CCDC125: variants seen among roughly 807,000 people sequenced by gnomAD.
The protein encoded by CCDC125 is coiled-coil domain containing 125.
A neutral mutation model predicts 57.4 loss-of-function variants in CCDC125; 43 were observed. The observed-to-expected ratio is 0.75, with a 90% CI of 0.59 to 0.97. CCDC125 has a LOEUF of 0.97. CCDC125 is among the 50% of genes least tolerant of loss of function. The pLI is 0.00. For synonymous variants in CCDC125, 187 were observed against 195.2 expected, an observed-to-expected ratio of 0.96 and a Z score of 0.35; for missense variants, 563 against 595.7, an observed-to-expected ratio of 0.95 and a Z score of 0.57.
intron 3 of CCDC125, among the ~76,000 whole-genome samples, 169 bp from the exon 4 acceptor site, chr5:69,311,373 C>G (rs141444356): frequency 2.6e-5 from 4 of 152,150 alleles, no homozygotes; most frequent in Non-Finnish European, 5.9e-5. Flanking sequence ...AAGCCTCGGC[C>G]GGGCAAGGTG....
chr5:69,313,605 T>C (rs765913394), intron 3 of CCDC125: 9 of 731,068 alleles, frequency 1.2e-5, no homozygotes, highest in African/African-American at 1.7e-5. Context: ...CTTGGTCTCA[T>C]AGGTTGCGTC....
At chr5:69,328,995 G>A (rs1032044176) in intron 1 of CCDC125, among the ~76,000 whole-genome samples, 2 of 150,698 alleles carry the variant, frequency 1.3e-5, no homozygotes, top group Non-Finnish European at 3.0e-5. Context: ...GAGTTTCACC[G>A]TGTTAAGCAG....
At chr5:69,280,005 G>C (rs139270280), downstream of CCDC125, among the ~76,000 whole-genome samples, 735 of 152,210 alleles carry the variant, frequency 4.8e-3, 10 homozygotes, top group African/African-American at 0.017. Flanking sequence ...TGGATCTCGT[G>C]AGAACTCACA....
chr5:69,301,332 C>A (rs1400927962), intron 7 of CCDC125, among the ~76,000 whole-genome samples: 2 of 152,018 alleles, frequency 1.3e-5, no homozygotes, highest in Non-Finnish European at 1.5e-5. Context: ...GAAGAACTAG[C>A]CTCTTCTCTA....
In CCDC125 at chr5:69,281,380, AACTC is replaced by A. The variant is rs1176587547; in HGVS notation, c.*1345_*1348del. On this transcript the variant is annotated 3_prime_UTR_variant, in exon 12 of 12. Transcript: ENST00000396496. ...CCAATTCACATACCACAAACAAAAA[AACTC>A]CTAGAAATCACCTTGGCTCAGGCAG... The A allele has an allele frequency of 1.3e-5, 2 of 151,996 alleles. No individual in the cohort carries two copies. The highest frequency in any genetic ancestry group is 2.4e-5 in the African/African-American group (1 of 41,336). 9.4% of individuals were successfully genotyped at this position (151,996 alleles called of 1,614,324 possible). A position where few individuals can be genotyped will look rare whatever the true frequency, so the allele number is the denominator to read the frequency against.
chr5:69,331,470 G>C (rs1179521243), intron 1 of CCDC125, among the ~76,000 whole-genome samples: 2 of 151,910 alleles, frequency 1.3e-5, no homozygotes, highest in African/African-American at 4.8e-5. Flanking sequence ...GACCTCAGGA[G>C]ATCTGCTCAC....
At chr5:69,311,333 T>C (rs1758104158) in intron 3 of CCDC125, 129 bp from the exon 4 acceptor site, 3 of 553,694 alleles carry the variant, frequency 5.4e-6, no homozygotes, top group Non-Finnish European at 9.6e-6. Flanking sequence ...CTTCTAGACT[T>C]AGTGAGTGAA....
At chr5:69,288,621 T>G (rs1753888843) in intron 10 of CCDC125, among the ~76,000 whole-genome samples, 1 of 152,184 alleles carries the variant, frequency 6.6e-6, no homozygotes, top group Non-Finnish European at 1.5e-5. Context: ...CGGAAGTGTT[T>G]CCCGGAGTTC....
chr5:69,321,198 T>C (rs977742822), intron 1 of CCDC125, among the ~76,000 whole-genome samples: 3 of 152,178 alleles, frequency 2.0e-5, no homozygotes, highest in Non-Finnish European at 4.4e-5. Context: ...ACAAAAATGA[T>C]AAGTATTTGA....
At chr5:69,317,170 A>G (rs904158418) in intron 2 of CCDC125, among the ~76,000 whole-genome samples, 26 of 151,794 alleles carry the variant, frequency 1.7e-4, no homozygotes, top group Non-Finnish European at 3.1e-4. Flanking sequence ...CACCATGCCC[A>G]GCTAATTTTT....
chr5:69,332,306 C>T (rs1220822540), intron 1 of CCDC125, among the ~76,000 whole-genome samples: 2 of 152,164 alleles, frequency 1.3e-5, no homozygotes, highest in African/African-American at 4.8e-5. Flanking sequence ...TACAATTTGT[C>T]GAAATTAAGA....
At chr5:69,328,775 C>T (rs1189585170) in intron 1 of CCDC125, among the ~76,000 whole-genome samples, 1 of 151,852 alleles carries the variant, frequency 6.6e-6, no homozygotes, top group East Asian at 1.9e-4. Context: ...CACAGAGGTT[C>T]CTTCATACTT....
At chr5:69,318,428 A>C (rs1251073718) in intron 2 of CCDC125, among the ~76,000 whole-genome samples, 1 of 151,638 alleles carries the variant, frequency 6.6e-6, no homozygotes, top group East Asian at 1.9e-4. Context: ...CCTTAGTGAC[A>C]CAGTGAGACT....
Position 69,280,499 on chromosome 5 carries a change from C to T in CCDC125, c.*2230G>A. 1 of 152,234 alleles carries T rather than the reference C, an allele frequency of 6.6e-6. No individual in the cohort carries two copies. The highest frequency in any genetic ancestry group is 1.9e-4 in the East Asian group (1 of 5,194). 9.4% of individuals were successfully genotyped at this position (152,234 alleles called of 1,614,324 possible). ...CAAAACTCCCATAAAGGGAGTTTCT[C>T]CAGCAATAATCAATGCTGTCTCACC... On this transcript the variant is annotated 3_prime_UTR_variant, in exon 12 of 12. Transcript: ENST00000396496.
At chr5:69,319,136 C>T (rs1379563696) in intron 2 of CCDC125, among the ~76,000 whole-genome samples, 1 of 152,066 alleles carries the variant, frequency 6.6e-6, no homozygotes, top group East Asian at 1.9e-4. Context: ...CCATGTTGGC[C>T]AGGCTGGTCT....
In CCDC125 at chr5:69,320,404, T is replaced by A. The variant is rs368303091; in HGVS notation, c.137A>T (p.His46Leu). 7.4e-5 allele frequency: 120 copies of A among 1,614,070 alleles called. No individual in the cohort carries two copies. The highest frequency in any genetic ancestry group is 9.3e-5 in the Non-Finnish European group (110 of 1,180,036). Reference sequence around the variant, plus strand: ...TCCATCTGATCTTTTTCTAGACCTATGTGAAAATTCTATTTCATAAATCCC... The same window carrying A: ...TCCATCTGATCTTTTTCTAGACCTAAGTGAAAATTCTATTTCATAAATCCC... ...PGGIYEIEFS[H>L]RSRKRSDGKN... Residue 46 changes from histidine to leucine, a missense_variant, in exon 2 of 12, where the codon CAT becomes CTT. Transcript: ENST00000396496.
intron 11 of CCDC125, 126 bp from the exon 12 acceptor site, chr5:69,283,160 G>T: frequency 1.6e-6 from 1 of 643,682 alleles, no homozygotes; most frequent in Non-Finnish European, 2.5e-6. Flanking sequence ...CTGTCCATCA[G>T]TATGAATAAA....
chr5:69,281,813 T>G lies in CCDC125; in HGVS notation c.*916A>C, dbSNP rs1303049684. On this transcript the variant is annotated 3_prime_UTR_variant, in exon 12 of 12. Coordinates refer to ENST00000396496, the MANE Select transcript of CCDC125 (RefSeq NM_176816.5). Reference sequence around the variant, plus strand: ...GCCAAGCTAAGATCCCTATAGTCAATCAAAATAGTTAAATAATTTTTTGTT... The same window carrying G: ...GCCAAGCTAAGATCCCTATAGTCAAGCAAAATAGTTAAATAATTTTTTGTT... 1 of 152,100 alleles carries G rather than the reference T, an allele frequency of 6.6e-6. No individual in the cohort carries two copies. Among genetic ancestry groups the G allele is most frequent in the Non-Finnish European group, 1.5e-5 (1 of 68,024 alleles). The allele number at this position is 152,100 out of a possible 1,614,324, so 9.4% of individuals were successfully genotyped here. A position where few individuals can be genotyped will look rare whatever the true frequency, so the allele number is the denominator to read the frequency against.
At chr5:69,285,224 G>A (rs1032853238) in intron 11 of CCDC125, 113 bp downstream of exon 11, 5 of 931,778 alleles carry the variant, frequency 5.4e-6, no homozygotes, top group Admixed American at 5.7e-5. Flanking sequence ...GAAAGTTTAC[G>A]AATTTGTGTT....
Sources: allele counts gnomAD v4.1 joint callset (sites outside exome capture counted in the v4.1 genomes callset), GRCh38; gene constraint gnomAD v4.1.1; transcripts MANE v1.5; gene names NCBI Gene and HGNC (gene_info 2026-07-23, HGNC 2026-07-21).